HDGFL2: variants seen among roughly 807,000 people sequenced by gnomAD.
HDGFL2 encodes hepatoma-derived growth factor-related protein 2.
Under a neutral mutation model 77.1 loss-of-function variants are expected in HDGFL2, and 36 were observed. The observed-to-expected ratio is 0.47, with a 90% CI of 0.36 to 0.62. The LOEUF is 0.62. HDGFL2 is among the 20% of genes least tolerant of loss of function. The pLI, the probability that HDGFL2 is intolerant of heterozygous loss-of-function variation, is 0.00. For missense variants in HDGFL2, 976 were observed against 973.4 expected, an observed-to-expected ratio of 1.00 and a Z score of -0.04; for synonymous variants, 463 against 413.1, an observed-to-expected ratio of 1.12 and a Z score of -1.46.
Position 4,494,395 on chromosome 19 carries a change from A to G in HDGFL2, c.1144A>G (p.Lys382Glu). 7.1e-7 allele frequency: 1 copy of G among 1,404,450 alleles called. No homozygotes were observed. The highest frequency in any genetic ancestry group is 3.4e-5 in the Admixed American group (1 of 29,034). 87.0% of individuals were successfully genotyped at this position (1,404,450 alleles called of 1,614,324 possible). The change falls in exon 9 of 16, where the codon AAG becomes GAG. Residue 382 changes from lysine (K) to glutamate (E), a missense_variant. By Grantham distance (56) the Lys-to-Glu change is moderately conservative. Transcript: ENST00000616600. Reference sequence around the variant, plus strand: ...GCTCAGGGAGGACGATGAGCCCGTCAAGAAGCGGGGACGCAAGGGCCGGGG... The same window carrying G: ...GCTCAGGGAGGACGATGAGCCCGTCGAGAAGCGGGGACGCAAGGGCCGGGG... ...DELREDDEPV[K>E]KRGRKGRGRG... is the part of the protein sequence containing the mutation.
At chr19:4,497,120 G>A (rs1303970518) in intron 10 of HDGFL2, 28 of 441,114 alleles carry the variant, frequency 6.3e-5, no homozygotes, top group Admixed American at 5.1e-4. Flanking sequence ...TGATCTGCCC[G>A]CCTCAGCCTC....
At chr19:4,487,887 A>G (rs1975402846) in intron 3 of HDGFL2, among the ~76,000 whole-genome samples, 1 of 151,966 alleles carries the variant, frequency 6.6e-6, no homozygotes, top group Non-Finnish European at 1.5e-5. Flanking sequence ...CCTGGATGGT[A>G]GAAGCCCAGA....
In HDGFL2 at chr19:4,495,974, G is replaced by A. The variant is rs146801366; in HGVS notation, c.1225-328G>A. 2.1e-3 allele frequency among the ~76,000 whole-genome samples: 314 copies of A among 152,244 alleles called. 1 individual carries two copies. The highest frequency in any genetic ancestry group is 7.3e-3 in the African/African-American group (302 of 41,538). On this transcript the variant is annotated intron_variant, in intron 9 of 15. Coordinates refer to ENST00000616600, the MANE Select transcript of HDGFL2 (RefSeq NM_001001520.3). ...CTTTGGGGAAAGCACGAACAGCGCC[G>A]TGTTCTCTCTCTGTCACTCCCTTCA...
At position 4,498,900 on chromosome 19, in the gene HDGFL2, G is replaced by A. The variant is rs776400424; in HGVS notation, c.1560G>A (p.Val520=). Residue 520 remains valine, a synonymous_variant, in exon 13 of 16, where the codon GTG becomes GTA. Coordinates refer to ENST00000616600, the MANE Select transcript of HDGFL2 (RefSeq NM_001001520.3). The stretch of plus-strand genomic sequence containing the variant: ...TCCTCCAGAAGAACACAGACGTGGT[G>A]GCCACCTTGAAGAAGGTATGGCGGG... ...SQILQKNTDV[V]ATLKKIRRYK... The A allele has an allele frequency of 8.1e-6, 13 of 1,609,580 alleles. No homozygotes were observed. Among genetic ancestry groups the A allele is most frequent in the East Asian group, 2.2e-5 (1 of 44,774 alleles).
At chr19:4,491,243 C>A (rs1975497367) in intron 4 of HDGFL2, among the ~76,000 whole-genome samples, 1 of 102,404 alleles carries the variant, frequency 9.8e-6, no homozygotes, top group Non-Finnish European at 2.1e-5. Context: ...AACACTCACT[C>A]CCACCACCCA....
At chr19:4,483,496 C>T (rs938285229) in intron 3 of HDGFL2, among the ~76,000 whole-genome samples, 19 of 152,340 alleles carry the variant, frequency 1.2e-4, no homozygotes, top group Admixed American at 1.1e-3. Context: ...CCATTCTGTC[C>T]GGGCATTTCT....
intron 3 of HDGFL2, among the ~76,000 whole-genome samples, chr19:4,481,793 G>T (rs1487694236): frequency 1.3e-5 from 2 of 152,054 alleles, no homozygotes; most frequent in Non-Finnish European, 2.9e-5. Context: ...ATTTGGTAGT[G>T]CTGACCCCTC....
At chr19:4,481,805 G>T (rs1233071268) in intron 3 of HDGFL2, among the ~76,000 whole-genome samples, 1 of 152,084 alleles carries the variant, frequency 6.6e-6, no homozygotes, top group Non-Finnish European at 1.5e-5. Context: ...TGACCCCTCA[G>T]CGGGCTCCTG....
At chr19:4,496,268 C>A in intron 9 of HDGFL2, 34 bp from the exon 10 acceptor site, 1 of 1,573,214 alleles carries the variant, frequency 6.4e-7, no homozygotes, top group South Asian at 1.1e-5. Context: ...CCCCTCTTCC[C>A]ACTGCTCCAG....
chr19:4,498,238 C>T lies in HDGFL2; in HGVS notation c.1403-68C>T. 3 of 1,426,476 alleles carry T rather than the reference C, an allele frequency of 2.1e-6. No homozygotes were observed. The South Asian group carries it at 3.5e-5, about 16-fold the overall frequency. 88.4% of individuals were successfully genotyped at this position (1,426,476 alleles called of 1,614,324 possible). On this transcript the variant is annotated intron_variant, in intron 11 of 15. Transcript: ENST00000616600. ...AAATCCTCCAGAGGCTCTCAGGCTC[C>T]TGCCCTTGAACAGCTGGCCCCCTGT...
chr19:4,501,871 C>G, intron 15 of HDGFL2, 40 bp from the exon 16 acceptor site: 1 of 1,373,302 alleles, frequency 7.3e-7, no homozygotes, highest in Non-Finnish European at 9.5e-7. Context: ...AGGGCAGGGG[C>G]GGGAGGGCAT....
intron 10 of HDGFL2, 199 bp from the exon 11 acceptor site, chr19:4,497,759 G>T (rs1262742857): frequency 1.7e-6 from 1 of 581,680 alleles, no homozygotes; most frequent in Admixed American, 3.2e-5. Context: ...TCTTTGGGCA[G>T]CTCGAGCCTG....
At chr19:4,478,531 A>G (rs760155083) in intron 3 of HDGFL2, among the ~76,000 whole-genome samples, 1 of 152,032 alleles carries the variant, frequency 6.6e-6, no homozygotes, top group Middle Eastern at 3.4e-3. Flanking sequence ...CCTTAGCGCA[A>G]CTACTAATGC....
chr19:4,480,688 C>T (rs912463440), intron 3 of HDGFL2, among the ~76,000 whole-genome samples: 3 of 151,894 alleles, frequency 2.0e-5, no homozygotes, highest in Admixed American at 6.6e-5. Context: ...CATTGTACTC[C>T]AGCCTGGGGG....
chr19:4,499,452 T>C (rs1304241253), intron 13 of HDGFL2, 39 bp from the exon 14 acceptor site: 2 of 1,590,630 alleles, frequency 1.3e-6, no homozygotes, highest in Non-Finnish European at 1.7e-6. Flanking sequence ...CTAGGGCCGC[T>C]GCACTTGGGT....
chr19:4,477,863 C>T (rs149971213), intron 3 of HDGFL2, among the ~76,000 whole-genome samples: 24 of 152,058 alleles, frequency 1.6e-4, no homozygotes, highest in African/African-American at 5.8e-4. Context: ...TGGTGGATCA[C>T]GAAGTCAGGA....
At chr19:4,497,647 C>T (rs1486069237) in intron 10 of HDGFL2, 1 of 435,518 alleles carries the variant, frequency 2.3e-6, no homozygotes, top group Non-Finnish European at 4.2e-6. Flanking sequence ...CCTTGAGGGC[C>T]TTTTCCTAGC....
At chr19:4,489,114 T>A (rs1975441208) in intron 4 of HDGFL2, among the ~76,000 whole-genome samples, 1 of 151,634 alleles carries the variant, frequency 6.6e-6, no homozygotes, top group South Asian at 2.1e-4. Context: ...CCACCGCACT[T>A]GGCTAATTTT....
At chr19:4,495,384 T>TCAAA (rs1975674685) in intron 9 of HDGFL2, among the ~76,000 whole-genome samples, 2 of 18,734 alleles carry the variant, frequency 1.1e-4, no homozygotes, top group East Asian at 1.4e-3. Flanking sequence ...AGACTCCATC[T>TCAAA]CAAAAAAAAA....
Sources: allele counts gnomAD v4.1 joint callset (sites outside exome capture counted in the v4.1 genomes callset), GRCh38; gene constraint gnomAD v4.1.1; transcripts MANE v1.5; gene names NCBI Gene and HGNC (gene_info 2026-07-23, HGNC 2026-07-21).